Variants in EPHB1 observed in about 807,000 individuals in gnomAD.
EPHB1 encodes ephrin type-B receptor 1.
In EPHB1, 30 loss-of-function variants were observed where a neutral mutation model predicts 94.4. That is an observed-to-expected ratio of 0.32 (90% CI 0.24 to 0.43). The LOEUF (loss-of-function observed/expected upper bound fraction) is 0.43, where lower values mean the gene tolerates loss of function less well. Ranked by LOEUF, EPHB1 falls within the 20% of genes least tolerant of loss-of-function variation. The pLI is 1.00. For synonymous variants in EPHB1, 522 were observed against 489.1 expected (o/e 1.07, Z -0.89); for missense variants, 1,055 against 1,308.3 (o/e 0.81, Z 2.99).
At chr3:135,254,399 A>G (rs1217767915) in intron 15 of EPHB1, among the ~76,000 whole-genome samples, 5 of 85,266 alleles carry the variant, frequency 5.9e-5, no homozygotes, top group Admixed American at 4.3e-4. Flanking sequence ...TCAATACCTA[A>G]TTTATTGAGC....
At chr3:135,149,715 C>T (rs1417998617) in intron 5 of EPHB1, among the ~76,000 whole-genome samples, 5 of 152,162 alleles carry the variant, frequency 3.3e-5, no homozygotes, top group South Asian at 4.1e-4. Context: ...TAAATCCCAT[C>T]GTAATAAAAT....
In EPHB1 at chr3:135,058,542, C is replaced by G. The variant is rs118096638; in HGVS notation, c.806-47906C>G. The stretch of plus-strand genomic sequence containing the variant: ...TCACTGGGTCTCTGTCCACATAAAC[C>G]TCTTGGGTACACACCTCAGTCCACA... On this transcript the variant is annotated intron_variant, in intron 3 of 15. Coordinates refer to ENST00000398015, the MANE Select transcript of EPHB1 (RefSeq NM_004441.5). Among the ~76,000 whole-genome samples, 129 of 152,344 alleles carry G rather than the reference C, an allele frequency of 8.5e-4. 1 individual carries two copies. In the East Asian group the frequency reaches 0.022, roughly 26 times the overall value.
intron 3 of EPHB1, among the ~76,000 whole-genome samples, chr3:135,094,137 C>G (rs1378124453): frequency 6.6e-6 from 1 of 152,248 alleles, no homozygotes; most frequent in East Asian, 1.9e-4. Context: ...ATTTGCCTCT[C>G]TGGGTCCTAC....
At chr3:135,031,334 G>T (rs558913421) in intron 3 of EPHB1, among the ~76,000 whole-genome samples, 1 of 151,928 alleles carries the variant, frequency 6.6e-6, no homozygotes, top group Non-Finnish European at 1.5e-5. Context: ...TTTCTTGATG[G>T]GGTCTCACTC....
chr3:135,150,044 G>T (rs890117278), intron 5 of EPHB1, among the ~76,000 whole-genome samples: 16 of 152,184 alleles, frequency 1.1e-4, no homozygotes, highest in African/African-American at 3.9e-4. Context: ...TCTGTCCCCA[G>T]TGCTTAGAAC....
chr3:135,252,131 G>A (rs984998549), intron 15 of EPHB1, among the ~76,000 whole-genome samples: 1 of 151,604 alleles, frequency 6.6e-6, no homozygotes, highest in African/African-American at 2.4e-5. Flanking sequence ...CCCATAGCAT[G>A]CACACAAAAA....
At chr3:134,892,200 C>T (rs186898259) in intron 1 of EPHB1, among the ~76,000 whole-genome samples, 1 of 152,328 alleles carries the variant, frequency 6.6e-6, no homozygotes, top group East Asian at 1.9e-4. Flanking sequence ...CTCAACATGG[C>T]CTTGGAGCCT....
chr3:134,846,715 G>A (rs1316193991), intron 1 of EPHB1, among the ~76,000 whole-genome samples: 1 of 152,100 alleles, frequency 6.6e-6, no homozygotes, highest in Non-Finnish European at 1.5e-5. Flanking sequence ...GGAAAGGCAT[G>A]GGGGCAGGGC....
intron 1 of EPHB1, among the ~76,000 whole-genome samples, chr3:134,858,582 G>A (rs7643782): frequency 0.55 from 83,216 of 151,960 alleles, 25,604 homozygotes; most frequent in East Asian, 0.8. Context: ...AAATTAAGGA[G>A]CCTGGAGCTT....
chr3:134,977,409 C>G (rs960168420), intron 3 of EPHB1, among the ~76,000 whole-genome samples: 3 of 152,210 alleles, frequency 2.0e-5, no homozygotes, highest in Non-Finnish European at 4.4e-5. Context: ...CAGACTCCCC[C>G]GCAAATACCT....
intron 3 of EPHB1, among the ~76,000 whole-genome samples, chr3:135,012,701 C>G (rs1008837656): frequency 6.6e-5 from 10 of 152,200 alleles, no homozygotes; most frequent in African/African-American, 2.2e-4. Context: ...GTGCCTGGCT[C>G]TCTGTCCCCA....
chr3:134,872,077 T>A (rs999292228), intron 1 of EPHB1, among the ~76,000 whole-genome samples: 1 of 152,224 alleles, frequency 6.6e-6, no homozygotes, highest in Non-Finnish European at 1.5e-5. Context: ...GTAAATTTCT[T>A]GACTTTCTGG....
chr3:135,260,333 C>A lies in EPHB1; in HGVS notation c.*1213C>A, dbSNP rs1933588976. The A allele has an allele frequency of 4.3e-6, 1 of 232,174 alleles. No homozygotes were observed. Among genetic ancestry groups the A allele is most frequent in the Non-Finnish European group, 8.5e-6 (1 of 117,248 alleles). The allele number at this position is 232,174 out of a possible 1,614,324, so 14.4% of individuals were successfully genotyped here. Reference sequence around the variant, plus strand: ...GTTTCTCTTTACATTCCTTGTTGTACCTCATTGTTCAATTCACTTTTGTAA... The same window carrying A: ...GTTTCTCTTTACATTCCTTGTTGTAACTCATTGTTCAATTCACTTTTGTAA... On this transcript the variant is annotated 3_prime_UTR_variant, in exon 16 of 16. Coordinates refer to ENST00000398015, the MANE Select transcript of EPHB1 (RefSeq NM_004441.5).
At chr3:134,984,366 C>T (rs1023937363) in intron 3 of EPHB1, among the ~76,000 whole-genome samples, 1 of 152,170 alleles carries the variant, frequency 6.6e-6, no homozygotes, top group Non-Finnish European at 1.5e-5. Flanking sequence ...ATCTGAGAGC[C>T]CCTCTCCACA....
intron 15 of EPHB1, among the ~76,000 whole-genome samples, chr3:135,255,421 T>G (rs1933335938): frequency 7.4e-6 from 1 of 134,434 alleles, no homozygotes; most frequent in Admixed American, 7.3e-5. Flanking sequence ...GTTGTGTCTT[T>G]GTTTCCGTTG....
intron 4 of EPHB1, among the ~76,000 whole-genome samples, chr3:135,111,900 G>A (rs999038572): frequency 6.6e-6 from 1 of 152,090 alleles, no homozygotes; most frequent in African/African-American, 2.4e-5. Context: ...GGCTGGTCTC[G>A]AACTCCTGAC....
At chr3:134,992,167 C>CG (rs757192805) in intron 3 of EPHB1, among the ~76,000 whole-genome samples, 35 of 152,096 alleles carry the variant, frequency 2.3e-4, no homozygotes, top group Non-Finnish European at 4.3e-4. Context: ...AAAGACAACA[C>CG]GGGGGGCCAG....
At chr3:135,141,512 G>A (rs1186199535) in intron 5 of EPHB1, among the ~76,000 whole-genome samples, 3 of 152,222 alleles carry the variant, frequency 2.0e-5, no homozygotes, top group Admixed American at 6.5e-5. Context: ...CTAAACCAGC[G>A]GGCTGGTCTT....
chr3:135,183,333 C>T (rs1296402649), intron 10 of EPHB1, among the ~76,000 whole-genome samples: 3 of 150,964 alleles, frequency 2.0e-5, no homozygotes, highest in African/African-American at 7.3e-5. Flanking sequence ...ACACCCCCAC[C>T]CTCCAGACTA....
Sources: allele counts gnomAD v4.1 joint callset (sites outside exome capture counted in the v4.1 genomes callset), GRCh38; gene constraint gnomAD v4.1.1; transcripts MANE v1.5; gene names NCBI Gene and HGNC (gene_info 2026-07-23, HGNC 2026-07-21).